The following MGST1 variants were observed in gnomAD, a reference collection of about 807,000 sequenced individuals.
The protein encoded by MGST1 is microsomal glutathione S-transferase 1, also known as glutathione S-transferase 12.
MGST1 carries 5 observed loss-of-function variants against 8.9 expected under a neutral mutation model. The observed-to-expected ratio is 0.56, with a 90% CI of 0.29 to 1.19. MGST1 has a LOEUF of 1.19. MGST1 is among the 50% of genes most tolerant of loss of function. The pLI is 0.08. For synonymous variants in MGST1, 54 were observed against 67.8 expected, an observed-to-expected ratio of 0.80 and a Z score of 1.00; for missense variants, 182 against 187.4, an observed-to-expected ratio of 0.97 and a Z score of 0.17.
At chr12:16,487,144 C>T (rs1164103692) in intron 4 of MGST1, among the ~76,000 whole-genome samples, 1 of 152,162 alleles carries the variant, frequency 6.6e-6, no homozygotes, top group African/African-American at 2.4e-5. Flanking sequence ...CTGCTCCTGC[C>T]TCTGTTGTCT....
rs867136419 is a variant in MGST1, at chr12:16,585,185, C to T, written n.483-4343C>T. Among the ~76,000 whole-genome samples the T allele has an allele frequency of 3.9e-4, 60 of 152,116 alleles. No individual in the cohort carries two copies. The highest frequency in any genetic ancestry group is 1.4e-3 in the African/African-American group (57 of 41,440). ...TCACAACGTTATTTTTCCTTCCAGA[C>T]TCCGGAACCTGGAGGCAATTGAGTT... On this transcript the variant is annotated intron_variant and non_coding_transcript_variant, in intron 4 of 4. Coordinates refer to the MGST1 transcript ENST00000538857. The surrounding 1 kb of genome is among the most constrained non-coding windows in gnomAD (Gnocchi z 4.7).
chr12:16,531,843 G>A (rs1437574156), intron 4 of MGST1, among the ~76,000 whole-genome samples: 1 of 152,130 alleles, frequency 6.6e-6, no homozygotes, highest in Non-Finnish European at 1.5e-5. Flanking sequence ...GCAGCTGCAT[G>A]GGTCACATCA....
chr12:16,422,408 A>G (rs1299666949), intron 1 of MGST1, among the ~76,000 whole-genome samples: 1 of 152,176 alleles, frequency 6.6e-6, no homozygotes, highest in Admixed American at 6.5e-5. Flanking sequence ...TTCAGCTGGT[A>G]TCACACATAA....
rs1940761735 is a variant in MGST1, at chr12:16,413,758, T to G, written n.779-23630T>G. On this transcript the variant is annotated intron_variant and non_coding_transcript_variant, in intron 1 of 1. Coordinates refer to the MGST1 transcript ENST00000359720. This position sits in a 1 kb window ranked among gnomAD's most constrained non-coding sequence, Gnocchi z 4.0. ...GTCATAGTATGCTGCCAGTATTTGTTTACATTTGTTTCCACTTCTAGACTA... is the reference window on the plus strand; with the variant it reads ...GTCATAGTATGCTGCCAGTATTTGTGTACATTTGTTTCCACTTCTAGACTA... Among the ~76,000 whole-genome samples the G allele has an allele frequency of 6.6e-6, 1 of 152,178 alleles. No individual in the cohort carries two copies. Among genetic ancestry groups the G allele is most frequent in the African/African-American group, 2.4e-5 (1 of 41,434 alleles).
chr12:16,381,397 G>A (rs1028626889), downstream of MGST1, among the ~76,000 whole-genome samples: 2 of 152,120 alleles, frequency 1.3e-5, no homozygotes, highest in Non-Finnish European at 2.9e-5. Flanking sequence ...TTTCACTTAT[G>A]AAGCTTAGTT....
rs1943420929 is a variant in MGST1 at position 16,589,386 on chromosome 12, T to A, written n.483-142T>A. ...TGTACATATTACTATGAGTGCAGTA[T>A]AAGCTTGTGGCTTTACTTTTACTTG... On this transcript the variant is annotated intron_variant and non_coding_transcript_variant, in intron 4 of 4. Transcript: ENST00000538857. This position sits in a 1 kb window ranked among gnomAD's most constrained non-coding sequence, Gnocchi z 4.2. 1.3e-5 allele frequency: 2 copies of A among 152,258 alleles called. No homozygotes were observed. The highest frequency in any genetic ancestry group is 4.1e-4 in the South Asian group (2 of 4,828). The allele number at this position is 152,258 out of a possible 1,614,324, so 9.4% of individuals were successfully genotyped here.
At chr12:16,529,967 A>G (rs1007620043) in intron 4 of MGST1, among the ~76,000 whole-genome samples, 2 of 152,134 alleles carry the variant, frequency 1.3e-5, no homozygotes, top group Non-Finnish European at 2.9e-5. Flanking sequence ...CCATCTGATT[A>G]TAAGTTTCTG....
At chr12:16,476,077 T>C (rs1268072026) in intron 4 of MGST1, among the ~76,000 whole-genome samples, 2 of 152,082 alleles carry the variant, frequency 1.3e-5, no homozygotes, top group Non-Finnish European at 2.9e-5. Flanking sequence ...CTAGACCCAG[T>C]GAGGACTTGG....
In MGST1 at chr12:16,482,732, G is replaced by A. The variant is rs1941372978; in HGVS notation, n.482+99128G>A. Among the ~76,000 whole-genome samples the A allele has an allele frequency of 6.6e-6, 1 of 152,134 alleles. No homozygotes were observed. Among genetic ancestry groups the A allele is most frequent in the African/African-American group, 2.4e-5 (1 of 41,428 alleles). On this transcript the variant is annotated intron_variant and non_coding_transcript_variant, in intron 4 of 4. Transcript: ENST00000538857. This position sits in a 1 kb window ranked among gnomAD's most constrained non-coding sequence, Gnocchi z 4.2. ...AGAGACAGGTATGTTCTGGAGAAGG[G>A]AAAAGATAATGGCTGAGATACGCAA...
At chr12:16,502,635 AGTAC>A (rs1364302294) in intron 4 of MGST1, among the ~76,000 whole-genome samples, 1 of 152,200 alleles carries the variant, frequency 6.6e-6, no homozygotes, top group African/African-American at 2.4e-5. Flanking sequence ...CTGAATTTTA[AGTAC>A]GTATCAAAAA....
intron 1 of MGST1, among the ~76,000 whole-genome samples, chr12:16,394,088 C>G (rs537659967): frequency 6.6e-6 from 1 of 152,308 alleles, no homozygotes; most frequent in Non-Finnish European, 1.5e-5. Flanking sequence ...TAGGTAATTA[C>G]AAACTATTTT....
At chr12:16,426,969 C>CA (rs572147225) in intron 1 of MGST1, among the ~76,000 whole-genome samples, 25,461 of 84,112 alleles carry the variant, frequency 0.3, 3,327 homozygotes, top group Non-Finnish European at 0.37. Context: ...GACTCTGTCT[C>CA]AAAAAAAAAA....
At chr12:16,510,212 C>A (rs1006196987) in intron 4 of MGST1, among the ~76,000 whole-genome samples, 2 of 151,914 alleles carry the variant, frequency 1.3e-5, no homozygotes, top group African/African-American at 2.4e-5. Flanking sequence ...CTTTAGTCTG[C>A]AGGCATAACA....
At chr12:16,467,580 G>T (rs1034905557) in intron 4 of MGST1, among the ~76,000 whole-genome samples, 1 of 152,298 alleles carries the variant, frequency 6.6e-6, no homozygotes, top group South Asian at 2.1e-4. Context: ...GTTTTCAATA[G>T]TCAGATGTGT....
chr12:16,501,227 G>C (rs1184566845), intron 4 of MGST1, among the ~76,000 whole-genome samples: 1 of 151,996 alleles, frequency 6.6e-6, no homozygotes, highest in Admixed American at 6.6e-5. Context: ...TATGTTAATA[G>C]CAGCCGTTTA....
intron 4 of MGST1, among the ~76,000 whole-genome samples, chr12:16,445,417 A>G (rs1941072108): frequency 6.6e-6 from 1 of 151,886 alleles, no homozygotes; most frequent in African/African-American, 2.4e-5. Context: ...CAAATCCTCC[A>G]GCATGCTAGC....
At chr12:16,372,253 G>A (rs530096556) in intron 3 of MGST1, among the ~76,000 whole-genome samples, 60 of 152,036 alleles carry the variant, frequency 3.9e-4, no homozygotes, top group African/African-American at 1.4e-3. Flanking sequence ...CCTACAAAAT[G>A]GGAGAGAAAA....
intron 1 of MGST1, chr12:16,400,874 A>C: frequency 1.7e-6 from 2 of 1,172,308 alleles, no homozygotes; most frequent in Non-Finnish European, 2.6e-6. Context: ...CTTAGGCATC[A>C]GAGATGGGTG....
intron 4 of MGST1, among the ~76,000 whole-genome samples, chr12:16,481,580 T>A (rs1941364890): frequency 6.6e-6 from 1 of 152,122 alleles, no homozygotes; most frequent in Admixed American, 6.5e-5. Context: ...AAATTTATAA[T>A]AATTAACACT....
Sources: gnomAD v4.1 joint callset for allele counts (sites outside exome capture counted in the v4.1 genomes callset) on GRCh38, gnomAD v4.1.1 for gene constraint, Gnocchi (gnomAD v3.1) non-coding constraint, MANE v1.5 for transcripts, NCBI Gene and HGNC (gene_info 2026-07-23, HGNC 2026-07-21) for gene names.